The following EYS variants were observed in gnomAD, a reference collection of about 807,000 sequenced individuals.
EYS encodes protein eyes shut homolog.
A neutral mutation model predicts 282.1 loss-of-function variants in EYS; 250 were observed. That is an observed-to-expected ratio of 0.89 (90% CI 0.80 to 0.98). The LOEUF is 0.98. Ranked by LOEUF, EYS falls within the 50% of genes least tolerant of loss-of-function variation. The probability of loss-of-function intolerance (pLI) is 0.00; values close to 1 mark genes in which losing one functional copy is unlikely to be tolerated. For synonymous variants in EYS, 1,355 were observed against 1,282.9 expected (o/e 1.06, Z -1.20); for missense variants, 4,016 against 3,709.0 (o/e 1.08, Z -2.15).
intron 22 of EYS, among the ~76,000 whole-genome samples, chr6:64,714,129 T>C (rs80071040): frequency 0.047 from 7,143 of 152,246 alleles, 233 homozygotes; most frequent in East Asian, 0.18. Context: ...ACAATGATGG[T>C]GGTAAAATAA....
chr6:63,961,056 T>A (rs1766035311), intron 35 of EYS, among the ~76,000 whole-genome samples: 1 of 152,236 alleles, frequency 6.6e-6, no homozygotes, highest in African/African-American at 2.4e-5. Flanking sequence ...CTGCTCCTGC[T>A]GCTACAGCGA....
At chr6:64,468,846 T>C (rs1243782164) in intron 26 of EYS, among the ~76,000 whole-genome samples, 1 of 152,242 alleles carries the variant, frequency 6.6e-6, no homozygotes, top group African/African-American at 2.4e-5. Context: ...CATTTTTTCA[T>C]GGCTGTGTAG....
chr6:64,227,680 G>A (rs1766291376), intron 31 of EYS, among the ~76,000 whole-genome samples: 1 of 151,906 alleles, frequency 6.6e-6, no homozygotes, highest in Non-Finnish European at 1.5e-5. Flanking sequence ...TGTAGCATCT[G>A]GTAAATCAGG....
chr6:64,253,914 A>T (rs1767307340), intron 30 of EYS, among the ~76,000 whole-genome samples: 1 of 152,150 alleles, frequency 6.6e-6, no homozygotes, highest in South Asian at 2.1e-4. Context: ...TGTGACTGTT[A>T]TGAAGTTGTG....
intron 12 of EYS, among the ~76,000 whole-genome samples, chr6:65,243,730 C>T (rs937550107): frequency 1.3e-5 from 2 of 151,888 alleles, no homozygotes; most frequent in Non-Finnish European, 2.9e-5. Flanking sequence ...ATAGCGAGAC[C>T]CCCATTTCTA....
At chr6:64,654,853 A>G (rs2149881371) in intron 22 of EYS, among the ~76,000 whole-genome samples, 1 of 152,310 alleles carries the variant, frequency 6.6e-6, no homozygotes, top group Non-Finnish European at 1.5e-5. Context: ...CACCGGCTAA[A>G]TGTCACCAAA....
chr6:63,743,177 C>T (rs1330785498), intron 41 of EYS, among the ~76,000 whole-genome samples: 1 of 152,164 alleles, frequency 6.6e-6, no homozygotes, highest in Non-Finnish European at 1.5e-5. Context: ...CCAGTAGATG[C>T]ATAGTGATAT....
At chr6:65,617,049 T>C (rs1020139601) in intron 2 of EYS, among the ~76,000 whole-genome samples, 2 of 152,156 alleles carry the variant, frequency 1.3e-5, no homozygotes, top group Non-Finnish European at 2.9e-5. Context: ...AGGACATGGA[T>C]TTTTATGGAA....
intron 2 of EYS, among the ~76,000 whole-genome samples, chr6:65,601,961 A>G (rs1765630863): frequency 6.6e-6 from 1 of 151,960 alleles, no homozygotes. Flanking sequence ...GTTGGTATGA[A>G]GAAAATAAAA....
chr6:64,469,429 C>T (rs1582793099), intron 26 of EYS, among the ~76,000 whole-genome samples: 2 of 152,052 alleles, frequency 1.3e-5, no homozygotes, highest in East Asian at 1.9e-4. Context: ...GTAGTACTTA[C>T]TCTTTATTCC....
intron 26 of EYS, among the ~76,000 whole-genome samples, chr6:64,453,526 T>G (rs540090183): frequency 1.3e-5 from 2 of 152,326 alleles, no homozygotes; most frequent in African/African-American, 4.8e-5. Flanking sequence ...CAAAGGATTA[T>G]AAATCATGCT....
At chr6:65,132,942 A>G (rs929433924) in intron 12 of EYS, among the ~76,000 whole-genome samples, 3 of 152,030 alleles carry the variant, frequency 2.0e-5, no homozygotes, top group Non-Finnish European at 4.4e-5. Flanking sequence ...GAGGCAAATC[A>G]TGAATGCAAT....
At chr6:65,650,638 A>C (rs1425818609) in intron 1 of EYS, among the ~76,000 whole-genome samples, 1 of 152,160 alleles carries the variant, frequency 6.6e-6, no homozygotes, top group African/African-American at 2.4e-5. Context: ...CTATTCTTGC[A>C]TTTTGAGACA....
intron 2 of EYS, among the ~76,000 whole-genome samples, chr6:65,617,733 T>C (rs961804495): frequency 1.6e-5 from 2 of 126,108 alleles, no homozygotes; most frequent in African/African-American, 6.0e-5. Flanking sequence ...CCCCAGAGTG[T>C]GATGTTCCCC....
chr6:64,556,655 T>C (rs976273764), intron 26 of EYS, among the ~76,000 whole-genome samples: 1 of 151,896 alleles, frequency 6.6e-6, no homozygotes, highest in Non-Finnish European at 1.5e-5. Context: ...TTAGAAAACT[T>C]CTCAGGAAGA....
At chr6:65,055,368 A>C (rs1043767664) in intron 13 of EYS, among the ~76,000 whole-genome samples, 2 of 152,084 alleles carry the variant, frequency 1.3e-5, no homozygotes, top group South Asian at 4.1e-4. Context: ...TTAGATTTAC[A>C]GAACAGTTGC....
intron 26 of EYS, among the ~76,000 whole-genome samples, chr6:64,497,276 A>G (rs1173363780): frequency 1.3e-5 from 2 of 152,290 alleles, no homozygotes; most frequent in African/African-American, 2.4e-5. Context: ...CATAGTCAAG[A>G]AGGGCTCTGA....
intron 35 of EYS, among the ~76,000 whole-genome samples, chr6:63,866,858 T>C (rs900525916): frequency 6.6e-6 from 1 of 152,334 alleles, no homozygotes; most frequent in African/African-American, 2.4e-5. Flanking sequence ...TGCCAGATGA[T>C]GGCACTTCAA....
chr6:64,304,845 C>T (rs1457210000), intron 30 of EYS, among the ~76,000 whole-genome samples: 1 of 151,822 alleles, frequency 6.6e-6, no homozygotes, highest in Non-Finnish European at 1.5e-5. Flanking sequence ...CAACACACAC[C>T]AAAATGTACG....
Sources: allele counts gnomAD v4.1 joint callset (sites outside exome capture counted in the v4.1 genomes callset), GRCh38; gene constraint gnomAD v4.1.1; transcripts MANE v1.5; gene names NCBI Gene and HGNC (gene_info 2026-07-23, HGNC 2026-07-21).